Variants in TENM3 observed in about 807,000 individuals in gnomAD.
TENM3 encodes the protein teneurin transmembrane protein 3.
A neutral mutation model predicts 255.1 loss-of-function variants in TENM3; 63 were observed. That is an observed-to-expected ratio of 0.25 (90% confidence interval 0.20 to 0.30). The LOEUF is 0.30. Among genes scored for constraint, TENM3 ranks in the 10% least tolerant of loss-of-function variants. The probability of loss-of-function intolerance (pLI) is 1.00; values close to 1 mark genes in which losing one functional copy is unlikely to be tolerated. For missense variants in TENM3, 2,929 were observed against 3,461.1 expected, an observed-to-expected ratio of 0.85 and a Z score of 3.86; for synonymous variants, 1,306 against 1,322.3, an observed-to-expected ratio of 0.99 and a Z score of 0.27.
chr4:182,004,090 T>C, the TENM3 span, among the ~76,000 whole-genome samples: 3 of 151,994 alleles, frequency 2.0e-5, no homozygotes, highest in Admixed American at 2.0e-4. Context: ...TTTCTTTATT[T>C]CTTCTAAAAA....
chr4:182,763,110 CTT>C (rs1253311870), intron 22 of TENM3, among the ~76,000 whole-genome samples: 2 of 152,200 alleles, frequency 1.3e-5, no homozygotes, highest in East Asian at 3.9e-4. Context: ...TCCGATATAA[CTT>C]AAGATTTTCC....
At chr4:181,803,694 A>C in the TENM3 span, among the ~76,000 whole-genome samples, 1 of 152,012 alleles carries the variant, frequency 6.6e-6, no homozygotes, top group African/African-American at 2.4e-5. Context: ...TCTAGGTACC[A>C]TGGCTCATGC....
chr4:181,500,334 GAA>G, the TENM3 span, among the ~76,000 whole-genome samples: 16 of 139,648 alleles, frequency 1.1e-4, no homozygotes, highest in South Asian at 4.6e-4. Flanking sequence ...CGGCCTTATG[GAA>G]AAAAAAAAAA....
chr4:182,427,908 T>A (rs1771347256), intron 3 of TENM3, among the ~76,000 whole-genome samples: 1 of 152,014 alleles, frequency 6.6e-6, no homozygotes. Flanking sequence ...GAGAAGTGAC[T>A]TTTTATCCCA....
chr4:181,866,339 A>G, the TENM3 span, among the ~76,000 whole-genome samples: 4 of 152,196 alleles, frequency 2.6e-5, no homozygotes, highest in Non-Finnish European at 4.4e-5. Context: ...CCTCATGAGG[A>G]TGGACTAAAC....
At chr4:182,128,613 T>C in the TENM3 span, among the ~76,000 whole-genome samples, 1 of 152,232 alleles carries the variant, frequency 6.6e-6, no homozygotes, top group African/African-American at 2.4e-5. Context: ...TAACTTACTG[T>C]TCTTTTCTTC....
At chr4:181,932,311 C>T in the TENM3 span, among the ~76,000 whole-genome samples, 1 of 152,062 alleles carries the variant, frequency 6.6e-6, no homozygotes, top group African/African-American at 2.4e-5. Flanking sequence ...GAAACTTAAA[C>T]AATTTTACAA....
intron 1 of TENM3, chr4:182,169,149 C>T: frequency 2.4e-6 from 1 of 413,874 alleles, no homozygotes; most frequent in Admixed American, 3.0e-5. Flanking sequence ...TACATTTGAC[C>T]ACTATTAATC....
intron 4 of TENM3, among the ~76,000 whole-genome samples, chr4:182,617,627 A>G (rs1337107355): frequency 2.0e-5 from 3 of 152,206 alleles, no homozygotes; most frequent in Admixed American, 2.0e-4. Flanking sequence ...GGATATTGAA[A>G]AGGTTGTAAA....
the TENM3 span, among the ~76,000 whole-genome samples, chr4:181,519,142 T>C: frequency 6.6e-6 from 1 of 152,146 alleles, no homozygotes. Context: ...GGCAAGCACA[T>C]CCAGTGGAAA....
chr4:181,873,149 C>A, the TENM3 span, among the ~76,000 whole-genome samples: 1 of 151,974 alleles, frequency 6.6e-6, no homozygotes, highest in Non-Finnish European at 1.5e-5. Flanking sequence ...CTGACTGCAA[C>A]CTCCAACTCC....
chr4:182,050,573 G>C, the TENM3 span, among the ~76,000 whole-genome samples: 1 of 152,278 alleles, frequency 6.6e-6, no homozygotes, highest in East Asian at 1.9e-4. Flanking sequence ...GGAGGCCAAG[G>C]CAGACGGATT....
the TENM3 span, among the ~76,000 whole-genome samples, chr4:182,031,318 C>A: frequency 6.6e-6 from 1 of 152,136 alleles, no homozygotes; most frequent in African/African-American, 2.4e-5. Flanking sequence ...GGAATTATTT[C>A]TCCATTATTT....
the TENM3 span, among the ~76,000 whole-genome samples, chr4:181,456,848 C>G: frequency 6.9e-6 from 1 of 145,262 alleles, no homozygotes; most frequent in Non-Finnish European, 1.5e-5. Context: ...TCTACATTCT[C>G]TAACTTCTCT....
At chr4:181,968,992 C>CTATATA in the TENM3 span, among the ~76,000 whole-genome samples, 300 of 116,080 alleles carry the variant, frequency 2.6e-3, no homozygotes, top group African/African-American at 8.5e-3. Context: ...CTCTCTCTCT[C>CTATATA]TATATACATA....
At chr4:182,649,331 C>A (rs1221701048) in intron 5 of TENM3, among the ~76,000 whole-genome samples, 2 of 150,450 alleles carry the variant, frequency 1.3e-5, no homozygotes, top group Non-Finnish European at 3.0e-5. Context: ...TAATGGACTT[C>A]AAGGTTTTTT....
At chr4:182,503,690 A>G (rs1736537785) in intron 3 of TENM3, among the ~76,000 whole-genome samples, 1 of 152,042 alleles carries the variant, frequency 6.6e-6, no homozygotes, top group Non-Finnish European at 1.5e-5. Context: ...GACAGAGCCA[A>G]ATTTAGCCAA....
At chr4:182,273,500 CATG>C (rs1759789399) in intron 1 of TENM3, among the ~76,000 whole-genome samples, 1 of 152,212 alleles carries the variant, frequency 6.6e-6, no homozygotes, top group African/African-American at 2.4e-5. Flanking sequence ...GAATCAGTAA[CATG>C]ATAAGAATAC....
upstream of TENM3, among the ~76,000 whole-genome samples, chr4:182,140,499 GAACCCA>G (rs1229711239): frequency 1.4e-5 from 2 of 139,568 alleles, no homozygotes; most frequent in African/African-American, 5.0e-5. Flanking sequence ...AACTGGGTTT[GAACCCA>G]GCAGACAGGC....
Sources: allele counts gnomAD v4.1 joint callset (sites outside exome capture counted in the v4.1 genomes callset), GRCh38; gene constraint gnomAD v4.1.1; transcripts MANE v1.5; gene names NCBI Gene and HGNC (gene_info 2026-07-23, HGNC 2026-07-21).